Variants in SYNPR observed in about 807,000 individuals in gnomAD.
SYNPR encodes the protein synaptoporin.
SYNPR carries 23 observed loss-of-function variants against 32.9 expected under a neutral mutation model. The observed-to-expected ratio is 0.70, with a 90% CI of 0.50 to 0.99. The LOEUF (loss-of-function observed/expected upper bound fraction) is 0.99, where lower values mean the gene tolerates loss of function less well. Ranked by LOEUF, SYNPR falls within the 50% of genes least tolerant of loss-of-function variation. The pLI is 0.00. For missense variants in SYNPR, 318 were observed against 349.3 expected, an observed-to-expected ratio of 0.91 and a Z score of 0.71; for synonymous variants, 146 against 135.9, an observed-to-expected ratio of 1.07 and a Z score of -0.52.
At chr3:63,437,575 A>C (rs1700106764) in intron 2 of SYNPR, among the ~76,000 whole-genome samples, 1 of 150,572 alleles carries the variant, frequency 6.6e-6, no homozygotes, top group Non-Finnish European at 1.5e-5. Context: ...AGAAAGAAAG[A>C]AGAGTGAGAG....
chr3:63,610,041 G>C (rs946708586), intron 5 of SYNPR, among the ~76,000 whole-genome samples: 1 of 152,196 alleles, frequency 6.6e-6, no homozygotes, highest in Non-Finnish European at 1.5e-5. Flanking sequence ...ACACCCAACT[G>C]ATTAGAGAAA....
chr3:63,454,261 T>G lies in SYNPR; in HGVS notation c.85-26571T>G, dbSNP rs563192863. Among the ~76,000 whole-genome samples the G allele has an allele frequency of 1.3e-4, 20 of 152,282 alleles. No homozygotes were observed. In the East Asian group the frequency reaches 3.9e-3, roughly 29 times the overall value. ...TAATAATTGAATTAAACAGTAAATT[T>G]ATCAGAAGAAACTTACAGAAAAATT... On this transcript the variant is annotated intron_variant, in intron 2 of 5. Coordinates refer to ENST00000478300, the MANE Select transcript of SYNPR (RefSeq NM_001130003.2).
At chr3:63,292,005 C>G (rs2086744596) in intron 2 of SYNPR, among the ~76,000 whole-genome samples, 1 of 152,126 alleles carries the variant, frequency 6.6e-6, no homozygotes, top group South Asian at 2.1e-4. Context: ...CATGTACAGC[C>G]TATTGCTCCT....
In SYNPR at chr3:63,334,408, A is replaced by T. The variant is rs572773138; in HGVS notation, c.84+55666A>T. ...GTGAAGGTTGCTTGCCTTGGGATTTAGTCAAGAGAGATCAGGTACACATAA... is the reference window on the plus strand; with the variant it reads ...GTGAAGGTTGCTTGCCTTGGGATTTTGTCAAGAGAGATCAGGTACACATAA... On this transcript the variant is annotated intron_variant, in intron 2 of 5. Transcript: ENST00000478300. 4.7e-4 allele frequency among the ~76,000 whole-genome samples: 71 copies of T among 152,336 alleles called. 3 individuals carry two copies. In the South Asian group the frequency reaches 0.014, roughly 31 times the overall value.
At chr3:63,451,431 A>G (rs6766009) in intron 2 of SYNPR, among the ~76,000 whole-genome samples, 37,252 of 152,036 alleles carry the variant, frequency 0.25, 4,901 homozygotes, top group Non-Finnish European at 0.29. Context: ...GGAAGAGAGA[A>G]TCATCACTGA....
chr3:63,232,106 G>C (rs1258377728), intron 1 of SYNPR, among the ~76,000 whole-genome samples: 2 of 151,264 alleles, frequency 1.3e-5, no homozygotes, highest in African/African-American at 4.8e-5. Context: ...ATCTGCAGGA[G>C]GATATATGGG....
chr3:63,523,958 G>A (rs1375676883), intron 3 of SYNPR, among the ~76,000 whole-genome samples: 1 of 152,072 alleles, frequency 6.6e-6, no homozygotes, highest in Non-Finnish European at 1.5e-5. Flanking sequence ...ACTAGTGAAA[G>A]ATTTTTAGTA....
chr3:63,467,565 G>C (rs1422441578), intron 2 of SYNPR, among the ~76,000 whole-genome samples: 1 of 152,208 alleles, frequency 6.6e-6, no homozygotes, highest in African/African-American at 2.4e-5. Context: ...AGAGTTATGA[G>C]ATTTCAATGA....
intron 4 of SYNPR, among the ~76,000 whole-genome samples, chr3:63,579,554 T>C (rs1182437482): frequency 6.6e-6 from 1 of 152,156 alleles, no homozygotes; most frequent in Non-Finnish European, 1.5e-5. Flanking sequence ...GAACATATAT[T>C]TGGCAAGGGC....
At chr3:63,366,560 C>T (rs1348450835) in intron 2 of SYNPR, among the ~76,000 whole-genome samples, 2 of 152,106 alleles carry the variant, frequency 1.3e-5, no homozygotes, top group Non-Finnish European at 2.9e-5. Context: ...ATGTTGTTTG[C>T]TCCTGTTAAG....
intron 2 of SYNPR, among the ~76,000 whole-genome samples, chr3:63,311,452 C>T (rs1575594150): frequency 6.6e-6 from 1 of 152,004 alleles, no homozygotes; most frequent in Admixed American, 6.6e-5. Flanking sequence ...GCTCTGCCTC[C>T]CATCAGATCA....
intron 5 of SYNPR, among the ~76,000 whole-genome samples, chr3:63,612,135 A>C (rs1700207775): frequency 6.6e-6 from 1 of 152,144 alleles, no homozygotes. Flanking sequence ...GCTAAGGTAA[A>C]CTCTCTAATC....
chr3:63,425,208 A>G (rs1001085298), intron 2 of SYNPR, among the ~76,000 whole-genome samples: 3 of 152,222 alleles, frequency 2.0e-5, no homozygotes, highest in African/African-American at 2.4e-5. Context: ...AGTAATTCAC[A>G]TTTTGGGGGG....
chr3:63,278,703 G>A lies in SYNPR; in HGVS notation c.45G>A (p.Val15=), dbSNP rs1306692110. 5.2e-6 allele frequency: 8 copies of A among 1,551,714 alleles called. No homozygotes were observed. The highest frequency in any genetic ancestry group is 7.0e-6 in the Non-Finnish European group (8 of 1,147,000). The part of the protein sequence containing the change: ...SQLASAGTFR[V]LKEPLAFLRA... ...TGGCCTCTGCGGGCACCTTCCGGGT[G>A]CTGAAGGAGCCCCTTGCCTTCCTGC... The change falls in exon 2 of 6, where the codon GTG becomes GTA. Residue 15 remains valine, a synonymous_variant. Coordinates refer to ENST00000478300, the MANE Select transcript of SYNPR (RefSeq NM_001130003.2).
chr3:63,461,137 G>T (rs941129395), intron 2 of SYNPR, among the ~76,000 whole-genome samples: 2 of 151,988 alleles, frequency 1.3e-5, no homozygotes, highest in Admixed American at 6.6e-5. Flanking sequence ...CCTAAAAGGA[G>T]CATAGCCTTT....
At chr3:63,502,215 T>C (rs1320858362) in intron 3 of SYNPR, among the ~76,000 whole-genome samples, 3 of 152,110 alleles carry the variant, frequency 2.0e-5, no homozygotes, top group Non-Finnish European at 4.4e-5. Flanking sequence ...GCAGTGCTGA[T>C]CTAGGACTTT....
At chr3:63,258,191 G>C (rs1393543626) in intron 2 of SYNPR, among the ~76,000 whole-genome samples, 2 of 152,144 alleles carry the variant, frequency 1.3e-5, no homozygotes, top group African/African-American at 4.8e-5. Context: ...GGATATCCAG[G>C]AATTGAACTC....
At chr3:63,260,478 T>C (rs9759278) in intron 2 of SYNPR, among the ~76,000 whole-genome samples, 128,914 of 151,766 alleles carry the variant, frequency 0.85, 55,588 homozygotes, top group African/African-American at 0.95. Context: ...GAAAAGATTC[T>C]TTATTTAATA....
chr3:63,234,113 T>C (rs1396102541), intron 1 of SYNPR, among the ~76,000 whole-genome samples: 1 of 152,150 alleles, frequency 6.6e-6, no homozygotes, highest in East Asian at 1.9e-4. Context: ...GACTTCCATT[T>C]CCACATGGCT....
Sources: gnomAD v4.1 joint callset for allele counts (sites outside exome capture counted in the v4.1 genomes callset) on GRCh38, gnomAD v4.1.1 for gene constraint, MANE v1.5 for transcripts, NCBI Gene and HGNC (gene_info 2026-07-23, HGNC 2026-07-21) for gene names.